FAM20A: variants seen among roughly 807,000 people sequenced by gnomAD.
FAM20A encodes the protein FAM20A golgi associated secretory pathway pseudokinase.
Under a neutral mutation model 52.0 loss-of-function variants are expected in FAM20A, and 42 were observed. The observed-to-expected ratio is 0.81, with a 90% CI of 0.63 to 1.04. The LOEUF (loss-of-function observed/expected upper bound fraction) is 1.04, where lower values mean the gene tolerates loss of function less well. Among genes scored for constraint, FAM20A ranks in the 50% least tolerant of loss-of-function variants. The pLI, the probability that FAM20A is intolerant of heterozygous loss-of-function variation, is 0.00. For missense variants in FAM20A, 742 were observed against 712.7 expected (o/e 1.04, Z -0.47); for synonymous variants, 304 against 298.9 (o/e 1.02, Z -0.18).
intron 1 of FAM20A, among the ~76,000 whole-genome samples, chr17:68,565,689 C>A: frequency 6.6e-6 from 1 of 152,094 alleles, no homozygotes; most frequent in East Asian, 1.9e-4. Context: ...CCATCATGCC[C>A]AGCCATCCAT....
At chr17:68,543,761 C>G in intron 4 of FAM20A, 40 bp from the exon 5 acceptor site, 1 of 1,555,588 alleles carries the variant, frequency 6.4e-7, no homozygotes, top group South Asian at 1.1e-5. Flanking sequence ...ACTCAGACTT[C>G]AGCTGGGAGC....
intron 1 of FAM20A, among the ~76,000 whole-genome samples, chr17:68,573,474 T>C (rs1443508284): frequency 6.9e-6 from 1 of 145,752 alleles, no homozygotes; most frequent in Non-Finnish European, 1.5e-5. Flanking sequence ...TTTCTTTCTT[T>C]CTCTTTCTTT....
At chr17:68,599,502 T>TA (rs980041605) in intron 1 of FAM20A, among the ~76,000 whole-genome samples, 2 of 152,364 alleles carry the variant, frequency 1.3e-5, no homozygotes, top group East Asian at 1.9e-4. Context: ...GCTTTGGGTT[T>TA]AAAAAATTCC....
In FAM20A at chr17:68,600,242, C is replaced by G. The variant is rs956277541; in HGVS notation, c.404+21G>C. 5 of 1,551,700 alleles carry G rather than the reference C, an allele frequency of 3.2e-6. No homozygotes were observed. The Admixed American group carries it at 5.8e-5, about 18-fold the overall frequency. On this transcript the variant is annotated intron_variant, in intron 1 of 10. Transcript: ENST00000592554. The surrounding 1 kb of genome is among the most constrained non-coding windows in gnomAD (Gnocchi z 6.2). ...CCCGGCCAGAGCGCCCGCTCTCCCG[C>G]GTCCCGGGCGGGGTCCTCACCTGTT...
At chr17:68,593,184 G>A (rs905480106) in intron 1 of FAM20A, among the ~76,000 whole-genome samples, 4 of 152,236 alleles carry the variant, frequency 2.6e-5, no homozygotes, top group Non-Finnish European at 5.9e-5. Context: ...GCTGCAGCTG[G>A]TTAGAATGTT....
chr17:68,537,460 C>A lies in FAM20A; in HGVS notation c.*17G>T. Reference sequence around the variant, plus strand: ...CTGGCTCCAGGCGTATTTTCTGAAACTGGACTCTGCCAGCCCTTAGCTTGT... The same window carrying A: ...CTGGCTCCAGGCGTATTTTCTGAAAATGGACTCTGCCAGCCCTTAGCTTGT... On this transcript the variant is annotated 3_prime_UTR_variant, in exon 11 of 11. Transcript: ENST00000592554. This position sits in a 1 kb window ranked among gnomAD's most constrained non-coding sequence, Gnocchi z 4.2. 6.2e-7 allele frequency: 1 copy of A among 1,614,040 alleles called. No homozygotes were observed. Among genetic ancestry groups the A allele is most frequent in the Middle Eastern group, 1.7e-4 (1 of 6,050 alleles).
rs1568712328 is a variant in FAM20A at position 68,535,883 on chromosome 17, G to A, written c.*1594C>T. The A allele has an allele frequency of 4.4e-6, 2 of 453,992 alleles. No individual in the cohort carries two copies. The highest frequency in any genetic ancestry group is 4.4e-6 in the Non-Finnish European group (1 of 226,766). The allele number at this position is 453,992 out of a possible 1,614,324, so 28.1% of individuals were successfully genotyped here. ...GTTGGGTTTTGTGTTACAGTGAAAA[G>A]AAGACTTTGGAATAGGTCTAAACCA... On this transcript the variant is annotated 3_prime_UTR_variant, in exon 11 of 11. Coordinates refer to ENST00000592554, the MANE Select transcript of FAM20A (RefSeq NM_017565.4).
chr17:68,581,420 C>CTTT (rs1299176126), intron 1 of FAM20A, among the ~76,000 whole-genome samples: 1 of 47,796 alleles, frequency 2.1e-5, no homozygotes, highest in African/African-American at 7.8e-5. Context: ...CTTTCTTTTT[C>CTTT]TCTTTTCTTT....
At chr17:68,599,703 A>T (rs552879844) in intron 1 of FAM20A, among the ~76,000 whole-genome samples, 1 of 152,214 alleles carries the variant, frequency 6.6e-6, no homozygotes, top group Non-Finnish European at 1.5e-5. Flanking sequence ...CCTGCCTCAG[A>T]TGACCCCCTT....
At chr17:68,599,945 G>A (rs1363693467) in intron 1 of FAM20A, among the ~76,000 whole-genome samples, 5 of 152,116 alleles carry the variant, frequency 3.3e-5, no homozygotes, top group East Asian at 1.9e-4. Context: ...ACGAGGGAGC[G>A]GGAGTGGACG....
Position 68,537,507 on chromosome 17 carries a change from T to G in FAM20A, c.1596A>C (p.Pro532=). The change falls in exon 11 of 11, where the codon CCA becomes CCC. Residue 532 remains proline, a synonymous_variant. Coordinates refer to ENST00000592554, the MANE Select transcript of FAM20A (RefSeq NM_017565.4). The surrounding 1 kb of genome is among the most constrained non-coding windows in gnomAD (Gnocchi z 4.2). ...TTGTCAAGTTAGCCTGGCCAGAGTC[T>G]GGGGCCAACTGTTCCACTGGGCCGT... ...IVDGPVEQLA[P]DSGQANLTS is the part of the protein sequence containing the mutation. 1.2e-6 allele frequency: 2 copies of G among 1,613,972 alleles called. No homozygotes were observed. Among genetic ancestry groups the G allele is most frequent in the African/African-American group, 1.3e-5 (1 of 75,038 alleles).
Position 68,600,264 on chromosome 17 carries a change from T to G in FAM20A, c.403A>C (p.Arg135=). 6.4e-7 allele frequency: 1 copy of G among 1,562,530 alleles called. No homozygotes were observed. The highest frequency in any genetic ancestry group is 8.7e-7 in the Non-Finnish European group (1 of 1,154,090). Residue 135 remains arginine (R), a splice_region_variant and synonymous_variant, in exon 1 of 11, where the codon AGG becomes CGG. Coordinates refer to ENST00000592554, the MANE Select transcript of FAM20A (RefSeq NM_017565.4). The surrounding 1 kb of genome is among the most constrained non-coding windows in gnomAD (Gnocchi z 6.2). ...YYRRKVARWN[R]RHKMYREQMN... ...CCGCGTCCCGGGCGGGGTCCTCACC[T>G]GTTCCAGCGGGCCACCTTCCTCCGG...
Position 68,600,276 on chromosome 17 carries a change from C to T in FAM20A, c.391G>A (p.Ala131Thr), listed in dbSNP as rs1567756293. 2.6e-6 allele frequency: 4 copies of T among 1,567,988 alleles called. No individual in the cohort carries two copies. In the Admixed American group the frequency reaches 7.4e-5, roughly 29 times the overall value. ...EALRYYRRKV[A>T]RWNRRHKMYR... The stretch of plus-strand genomic sequence containing the variant: ...CGGGGTCCTCACCTGTTCCAGCGGG[C>T]CACCTTCCTCCGGTAATACCGCAGC... Residue 131 changes from alanine to threonine, a missense_variant, in exon 1 of 11, where the codon GCC (alanine) becomes ACC (threonine). Physicochemically the swap from Ala to Thr is moderately conservative, Grantham distance 58 (BLOSUM62 0). Coordinates refer to ENST00000592554, the MANE Select transcript of FAM20A (RefSeq NM_017565.4). The surrounding 1 kb of genome is among the most constrained non-coding windows in gnomAD (Gnocchi z 6.2).
intron 1 of FAM20A, chr17:68,582,552 A>C (rs1343180314): frequency 1.3e-5 from 2 of 152,152 alleles, no homozygotes; most frequent in Admixed American, 1.3e-4. Context: ...AATAACCTGT[A>C]AGGAATATTA....
At chr17:68,592,308 C>T (rs1180398138) in intron 1 of FAM20A, among the ~76,000 whole-genome samples, 6 of 152,288 alleles carry the variant, frequency 3.9e-5, no homozygotes, top group Non-Finnish European at 7.4e-5. Context: ...CGTGAGCCAG[C>T]TGTGGAGGCA....
At chr17:68,571,620 C>T (rs946340423) in intron 1 of FAM20A, among the ~76,000 whole-genome samples, 1 of 152,184 alleles carries the variant, frequency 6.6e-6, no homozygotes, top group Non-Finnish European at 1.5e-5. Context: ...ATCCATATGT[C>T]TCTTTCAGTG....
Position 68,539,902 on chromosome 17 carries a change from G to C in FAM20A, c.1284C>G (p.His428Gln). 1 of 1,614,170 alleles carries C rather than the reference G, an allele frequency of 6.2e-7. No individual in the cohort carries two copies. The highest frequency in any genetic ancestry group is 8.5e-7 in the Non-Finnish European group (1 of 1,180,014). ...TKFGDDGFLI[H>Q]LDNARGFGRH... is the part of the protein sequence containing the mutation. ...AAGCTCACCCTCTGGCGTTGTCAAG[G>C]TGAATAAGGAACCCATCATCCCCGA... The change falls in exon 9 of 11, where the codon CAC becomes CAG. Residue 428 changes from histidine to glutamine, a missense_variant. By Grantham distance (24) the His-to-Gln change is conservative. Transcript: ENST00000592554.
rs541090493 is a variant in FAM20A, at chr17:68,555,575, A to T, written c.573T>A (p.Phe191Leu). The T allele has an allele frequency of 7.4e-6, 12 of 1,612,872 alleles. No individual in the cohort carries two copies. Among genetic ancestry groups the T allele is most frequent in the Admixed American group, 6.7e-5 (4 of 60,020 alleles). Residue 191 changes from phenylalanine (F) to leucine (L), a missense_variant, in exon 2 of 11, where the codon TTT (phenylalanine) becomes TTA (leucine). Phe to Leu is a conservative substitution (Grantham distance 22, BLOSUM62 0). Transcript: ENST00000592554. ...GAACCTTACCAGCACTGATGGTGGG[A>T]AAGTGCCTCATGTCTTGCAGAAGTT... is the stretch of plus-strand genomic sequence containing the variant. ...VSKLLQDMRH[F>L]PTISADYSQD...
intron 1 of FAM20A, among the ~76,000 whole-genome samples, chr17:68,594,765 A>G (rs1005433197): frequency 1.3e-5 from 2 of 152,266 alleles, no homozygotes; most frequent in Middle Eastern, 3.4e-3. Flanking sequence ...TCCATCTTCA[A>G]TCAGCAATGG....
Sources: allele counts gnomAD v4.1 joint callset (sites outside exome capture counted in the v4.1 genomes callset), GRCh38; gene constraint gnomAD v4.1.1; non-coding constraint Gnocchi (gnomAD v3.1); transcripts MANE v1.5; gene names NCBI Gene and HGNC (gene_info 2026-07-23, HGNC 2026-07-21).